ENTPD3: variants seen among roughly 807,000 people sequenced by gnomAD.
ENTPD3 encodes the protein CD39 antigen-like 3.
A neutral mutation model predicts 51.2 loss-of-function variants in ENTPD3; 60 were observed. That is an observed-to-expected ratio of 1.17 (90% CI 0.95 to 1.45). ENTPD3 has a LOEUF of 1.45. Ranked by LOEUF, ENTPD3 falls within the 40% of genes most tolerant of loss-of-function variation. ENTPD3 has a pLI of 0.00. For synonymous variants in ENTPD3, 221 were observed against 238.4 expected, an observed-to-expected ratio of 0.93 and a Z score of 0.67; for missense variants, 593 against 641.1, an observed-to-expected ratio of 0.93 and a Z score of 0.81.
Position 40,427,486 on chromosome 3 carries a change from A to C in ENTPD3, c.1568A>C (p.Asp523Ala). 1 of 1,614,040 alleles carries C rather than the reference A, an allele frequency of 6.2e-7. No individual in the cohort carries two copies. Among genetic ancestry groups the C allele is most frequent in the Non-Finnish European group, 8.5e-7 (1 of 1,179,930 alleles). ...AAGAGGCACTCCGAGCATGCCTTTGACCATGCAGTGGATTCTGACTGAGCC... is the reference window on the plus strand; with the variant it reads ...AAGAGGCACTCCGAGCATGCCTTTGCCCATGCAGTGGATTCTGACTGAGCC... Reference protein sequence around the residue: ...RRKRHSEHAFDHAVDSD With the variant: ...RRKRHSEHAFAHAVDSD Residue 523 changes from aspartate to alanine, a missense_variant, in exon 11 of 11, where the codon GAC becomes GCC. Coordinates refer to ENST00000301825, the MANE Select transcript of ENTPD3 (RefSeq NM_001248.4).
chr3:40,425,752 G>T (rs1955968118), intron 10 of ENTPD3, among the ~76,000 whole-genome samples: 1 of 151,816 alleles, frequency 6.6e-6, no homozygotes, highest in African/African-American at 2.4e-5. Flanking sequence ...CAAAAAATTA[G>T]CTGGGTATGG....
At chr3:40,393,973 G>C (rs957343484) in intron 3 of ENTPD3, among the ~76,000 whole-genome samples, 1 of 147,688 alleles carries the variant, frequency 6.8e-6, no homozygotes, top group Non-Finnish European at 1.5e-5. Flanking sequence ...GCGTGAACCC[G>C]GGAGGTGGAG....
chr3:40,416,084 C>G lies in ENTPD3; in HGVS notation c.831+11C>G, dbSNP rs750318984. 1 of 1,605,452 alleles carries G rather than the reference C, an allele frequency of 6.2e-7. No individual in the cohort carries two copies. The highest frequency in any genetic ancestry group is 8.5e-7 in the Non-Finnish European group (1 of 1,173,104). On this transcript the variant is annotated intron_variant, in intron 7 of 10. Coordinates refer to ENST00000301825, the MANE Select transcript of ENTPD3 (RefSeq NM_001248.4). ...GCAATGCTCCTGCAGGTACTTGAGT[C>G]GGGGGTAGGGGGTGGCAGGTGTTCT... is the stretch of plus-strand genomic sequence containing the variant.
Position 40,423,114 on chromosome 3 carries a change from C to T in ENTPD3, c.1096C>T (p.Pro366Ser), listed in dbSNP as rs1955913719. Residue 366 changes from proline to serine, a missense_variant, in exon 8 of 11, where the codon CCA (proline) becomes TCA (serine). Pro to Ser is a moderately conservative substitution (Grantham distance 74). Transcript: ENST00000301825. Reference protein sequence around the residue: ...DGVYQPKIKGPFVAFAGFYYT... With the variant: ...DGVYQPKIKGSFVAFAGFYYT... ...GGTTTATCAGCCAAAGATTAAAGGG[C>T]CATTTGTGGTAAGAGCAAAACCTTC... 1 of 1,610,380 alleles carries T rather than the reference C, an allele frequency of 6.2e-7. No homozygotes were observed. Among genetic ancestry groups the T allele is most frequent in the East Asian group, 2.2e-5 (1 of 44,816 alleles).
intron 4 of ENTPD3, among the ~76,000 whole-genome samples, chr3:40,401,591 C>T (rs1955358208): frequency 6.6e-6 from 1 of 152,186 alleles, no homozygotes; most frequent in Non-Finnish European, 1.5e-5. Flanking sequence ...AGGAGTAGTC[C>T]TGTGTATTGA....
intron 7 of ENTPD3, among the ~76,000 whole-genome samples, chr3:40,420,238 T>C (rs1180199812): frequency 6.7e-6 from 1 of 148,922 alleles, no homozygotes; most frequent in Admixed American, 6.7e-5. Context: ...TTTTTCTTTT[T>C]TTCTTTTTTT....
intron 3 of ENTPD3, 73 bp from the exon 4 acceptor site, chr3:40,400,821 C>T: frequency 8.9e-7 from 1 of 1,122,386 alleles, no homozygotes; most frequent in Non-Finnish European, 1.3e-6. Context: ...TCAGGGTTCT[C>T]AGTGGCCCAC....
In ENTPD3 at chr3:40,414,685, C is replaced by T; in HGVS notation, c.442C>T (p.Gln148Ter). 6.2e-7 allele frequency: 1 copy of T among 1,613,966 alleles called. No individual in the cohort carries two copies. Among genetic ancestry groups the T allele is most frequent in the Non-Finnish European group, 8.5e-7 (1 of 1,179,932 alleles). Reference sequence around the variant, plus strand: ...TTTGTTCTGTGCCTTGTACAGGTTGCAAAATGAAACAGCAGCTAATGAAGT... The same window carrying T: ...TTTGTTCTGTGCCTTGTACAGGTTGTAAAATGAAACAGCAGCTAATGAAGT... ...ATAGMRLLRL[Q>*]NETAANEVLE... The change falls in exon 6 of 11, where the codon CAA (glutamine) becomes TAA (stop). Residue 148 changes from glutamine (Q) to a stop codon, truncating the protein, a stop_gained. Coordinates refer to ENST00000301825, the MANE Select transcript of ENTPD3 (RefSeq NM_001248.4). LOFTEE classifies it high-confidence loss of function.
intron 3 of ENTPD3, among the ~76,000 whole-genome samples, chr3:40,397,516 TATG>T (rs1196208413): frequency 6.6e-6 from 1 of 152,136 alleles, no homozygotes; most frequent in African/African-American, 2.4e-5. Flanking sequence ...TATGATATGA[TATG>T]ATAACATATG....
intron 5 of ENTPD3, among the ~76,000 whole-genome samples, chr3:40,414,132 A>G (rs573769222): frequency 6.6e-6 from 1 of 152,322 alleles, no homozygotes; most frequent in Middle Eastern, 3.4e-3. Flanking sequence ...CAGCACACCA[A>G]TGGTTTTTCA....
chr3:40,394,662 C>G (rs929716845), intron 3 of ENTPD3, among the ~76,000 whole-genome samples: 8 of 152,166 alleles, frequency 5.3e-5, no homozygotes, highest in Admixed American at 3.3e-4. Flanking sequence ...CCCACTTCTC[C>G]CTGACCCTGA....
At chr3:40,405,582 A>G (rs958657043) in intron 4 of ENTPD3, among the ~76,000 whole-genome samples, 1 of 151,974 alleles carries the variant, frequency 6.6e-6, no homozygotes, top group Non-Finnish European at 1.5e-5. Flanking sequence ...TTTCCCCTCA[A>G]GTAAGTTTTG....
intron 3 of ENTPD3, among the ~76,000 whole-genome samples, chr3:40,397,157 C>A (rs1353699142): frequency 7.7e-6 from 1 of 130,590 alleles, no homozygotes; most frequent in Non-Finnish European, 1.6e-5. Context: ...CCTCGGTCTC[C>A]TTATGCAAAT....
At chr3:40,407,064 C>T (rs1249864378) in intron 4 of ENTPD3, among the ~76,000 whole-genome samples, 2 of 152,110 alleles carry the variant, frequency 1.3e-5, no homozygotes, top group East Asian at 3.9e-4. Flanking sequence ...ATATGAGCAA[C>T]TGTGTGCATC....
At chr3:40,416,121 G>A in intron 7 of ENTPD3, 48 bp downstream of exon 7, 2 of 1,371,468 alleles carry the variant, frequency 1.5e-6, no homozygotes, top group South Asian at 2.4e-5. Flanking sequence ...TTGAGGGTTT[G>A]AGCTGAGGGG....
chr3:40,423,621 C>G (rs1445885861), intron 9 of ENTPD3, among the ~76,000 whole-genome samples: 2 of 152,084 alleles, frequency 1.3e-5, no homozygotes, highest in African/African-American at 4.8e-5. Flanking sequence ...AATAAGCACT[C>G]AATGAGTTTA....
Position 40,416,047 on chromosome 3 carries a change from A to G in ENTPD3, c.805A>G (p.Lys269Glu), listed in dbSNP as rs745342169. ...FQCYGRNEAE[K>E]KFLAMLLQNS... ...GTGCTATGGCCGGAATGAGGCTGAG[A>G]AGAAGTTTCTGGCAATGCTCCTGCA... Residue 269 changes from lysine (K) to glutamate (E), a missense_variant, in exon 7 of 11, where the codon AAG becomes GAG. Transcript: ENST00000301825. The G allele has an allele frequency of 6.2e-7, 1 of 1,613,848 alleles. No individual in the cohort carries two copies. The highest frequency in any genetic ancestry group is 8.5e-7 in the Non-Finnish European group (1 of 1,179,858).
In ENTPD3 at chr3:40,400,915, G is replaced by T; in HGVS notation, c.190G>T (p.Gly64Trp). ...GLKYGIVLDA[G>W]SSRTTVYVYQ... is the part of the protein sequence containing the mutation. ...TCAGTATGGTATTGTGCTGGATGCC[G>T]GGTCTTCAAGAACCACAGTCTACGT... Residue 64 changes from glycine to tryptophan, a missense_variant, in exon 4 of 11, where the codon GGG (glycine) becomes TGG (tryptophan). By Grantham distance (184) the Gly-to-Trp change is radical. Coordinates refer to ENST00000301825, the MANE Select transcript of ENTPD3 (RefSeq NM_001248.4). 1 of 1,613,586 alleles carries T rather than the reference G, an allele frequency of 6.2e-7. No homozygotes were observed.
chr3:40,396,326 G>A (rs1053264133), intron 3 of ENTPD3, among the ~76,000 whole-genome samples: 8 of 152,124 alleles, frequency 5.3e-5, no homozygotes, highest in Admixed American at 1.3e-4. Context: ...AGGATTGCAG[G>A]TGATGAAGTT....
Sources: gnomAD v4.1 joint callset for allele counts (sites outside exome capture counted in the v4.1 genomes callset) on GRCh38, gnomAD v4.1.1 for gene constraint, MANE v1.5 for transcripts, NCBI Gene and HGNC (gene_info 2026-07-23, HGNC 2026-07-21) for gene names.